Variants in POFUT3 observed in about 807,000 individuals in gnomAD.
POFUT3 encodes GDP-fucose protein O-fucosyltransferase 3.
At chr8:33,355,033 G>A in the POFUT3 span, among the ~76,000 whole-genome samples, 17 of 152,160 alleles carry the variant, frequency 1.1e-4, no homozygotes, top group Non-Finnish European at 2.2e-4. Flanking sequence ...TATTCTGCCA[G>A]TACCCACAAT....
chr8:33,331,224 C>T, the POFUT3 span, among the ~76,000 whole-genome samples: 3 of 151,580 alleles, frequency 2.0e-5, no homozygotes, highest in Non-Finnish European at 4.4e-5. Flanking sequence ...ATCCCAGCTA[C>T]TCGGGAGGCT....
At chr8:33,343,065 C>T in the POFUT3 span, among the ~76,000 whole-genome samples, 3 of 150,602 alleles carry the variant, frequency 2.0e-5, no homozygotes, top group African/African-American at 4.9e-5. Flanking sequence ...GAGCCAAGAT[C>T]GCGCCACTGC....
the POFUT3 span, among the ~76,000 whole-genome samples, chr8:33,467,532 T>G: frequency 0.022 from 3,373 of 152,176 alleles, 60 homozygotes; most frequent in East Asian, 0.077. Context: ...AGGTACCATC[T>G]GAAATGGACT....
At chr8:33,400,323 C>A in the POFUT3 span, among the ~76,000 whole-genome samples, 4 of 151,746 alleles carry the variant, frequency 2.6e-5, no homozygotes, top group South Asian at 8.3e-4. Flanking sequence ...TGTAGTGGTA[C>A]ACACCTGTAA....
At chr8:33,445,586 G>A in the POFUT3 span, among the ~76,000 whole-genome samples, 1 of 152,148 alleles carries the variant, frequency 6.6e-6, no homozygotes, top group Non-Finnish European at 1.5e-5. Flanking sequence ...ATGTTGGACT[G>A]TACTTGTTCC....
At chr8:33,365,485 G>C in the POFUT3 span, among the ~76,000 whole-genome samples, 3 of 152,206 alleles carry the variant, frequency 2.0e-5, no homozygotes, top group South Asian at 6.2e-4. Context: ...CTACAGAATG[G>C]GAGAAAATTT....
At chr8:33,440,722 A>G in the POFUT3 span, among the ~76,000 whole-genome samples, 3 of 152,208 alleles carry the variant, frequency 2.0e-5, no homozygotes, top group Admixed American at 6.6e-5. Flanking sequence ...CTGCTGCCTA[A>G]TAAACTGCTA....
the POFUT3 span, among the ~76,000 whole-genome samples, chr8:33,357,318 G>C: frequency 6.6e-6 from 1 of 151,910 alleles, no homozygotes; most frequent in Non-Finnish European, 1.5e-5. Context: ...TTTAATATGA[G>C]TGTCTATCTT....
At chr8:33,355,800 T>G in the POFUT3 span, among the ~76,000 whole-genome samples, 1 of 152,120 alleles carries the variant, frequency 6.6e-6, no homozygotes, top group African/African-American at 2.4e-5. Flanking sequence ...TAGGTATATC[T>G]CCTAATGCTA....
the POFUT3 span, among the ~76,000 whole-genome samples, chr8:33,317,708 C>A: frequency 3.4e-4 from 51 of 151,804 alleles, no homozygotes; most frequent in Non-Finnish European, 5.9e-4. Context: ...CCTCCTTTTT[C>A]CCCCCAGCAA....
the POFUT3 span, among the ~76,000 whole-genome samples, chr8:33,319,264 T>C: frequency 1.6e-4 from 16 of 102,906 alleles, no homozygotes; most frequent in African/African-American, 2.4e-4. Flanking sequence ...ATATATTTTA[T>C]ATAATATGTA....
At chr8:33,450,615 G>T in the POFUT3 span, among the ~76,000 whole-genome samples, 1 of 152,178 alleles carries the variant, frequency 6.6e-6, no homozygotes, top group Middle Eastern at 3.2e-3. Context: ...GTTGAGCTTG[G>T]AAGGTAGGTT....
chr8:33,384,913 C>T, the POFUT3 span, among the ~76,000 whole-genome samples: 1 of 152,040 alleles, frequency 6.6e-6, no homozygotes, highest in African/African-American at 2.4e-5. Flanking sequence ...GAGAGAGGTA[C>T]CAAAATGGAC....
the POFUT3 span, among the ~76,000 whole-genome samples, chr8:33,470,203 C>G: frequency 7.4e-6 from 1 of 134,698 alleles, no homozygotes; most frequent in African/African-American, 2.9e-5. Flanking sequence ...AGTTCAAGAC[C>G]AGCCTAGGCA....
the POFUT3 span, among the ~76,000 whole-genome samples, chr8:33,382,644 T>C: frequency 2.6e-4 from 39 of 152,130 alleles, no homozygotes; most frequent in Non-Finnish European, 4.1e-4. Flanking sequence ...AGGGAAGTGG[T>C]TGCCAGTTTT....
the POFUT3 span, among the ~76,000 whole-genome samples, chr8:33,424,283 G>A: frequency 6.6e-6 from 1 of 152,024 alleles, no homozygotes; most frequent in African/African-American, 2.4e-5. Flanking sequence ...GGAAAATACT[G>A]GCCATATTGG....
At chr8:33,461,435 C>T in the POFUT3 span, 1 of 1,613,648 alleles carries the variant, frequency 6.2e-7, no homozygotes, top group Non-Finnish European at 8.5e-7. Context: ...AAAGCTTCCT[C>T]CTCTGAATCC....
the POFUT3 span, among the ~76,000 whole-genome samples, chr8:33,345,609 C>G: frequency 0.21 from 31,514 of 150,906 alleles, 3,835 homozygotes; most frequent in South Asian, 0.51. Context: ...CCATGTTGAC[C>G]AGGCTGGTTT....
At chr8:33,420,164 T>C in the POFUT3 span, among the ~76,000 whole-genome samples, 1 of 152,204 alleles carries the variant, frequency 6.6e-6, no homozygotes, top group Non-Finnish European at 1.5e-5. Context: ...TATGTACTTA[T>C]TTATTACATA....
Sources: gnomAD v4.1 joint callset for allele counts (sites outside exome capture counted in the v4.1 genomes callset) on GRCh38, gnomAD v4.1.1 for gene constraint, MANE v1.5 for transcripts, NCBI Gene and HGNC (gene_info 2026-07-23, HGNC 2026-07-21) for gene names.